The following SLCO5A1 variants were observed in gnomAD, a reference collection of about 807,000 sequenced individuals.
SLCO5A1 encodes organic anion transporter polypeptide-related protein 4.
SLCO5A1 carries 39 observed loss-of-function variants against 65.1 expected under a neutral mutation model. The observed-to-expected ratio is 0.60, with a 90% confidence interval of 0.46 to 0.78. The LOEUF is 0.78. Among genes scored for constraint, SLCO5A1 ranks in the 30% least tolerant of loss-of-function variants. SLCO5A1 has a pLI of 0.00. For missense variants in SLCO5A1, 1,029 were observed against 1,069.4 expected (o/e 0.96, Z 0.53); for synonymous variants, 438 against 415.7 (o/e 1.05, Z -0.65).
chr8:69,825,417 T>C (rs1434574973), intron 2 of SLCO5A1, among the ~76,000 whole-genome samples: 5 of 152,172 alleles, frequency 3.3e-5, no homozygotes, highest in East Asian at 3.9e-4. Context: ...AGCTGATAAG[T>C]AACTTCAGCA....
At position 69,790,010 on chromosome 8, in the gene SLCO5A1, T is replaced by C. The variant is rs553658867; in HGVS notation, c.908-28135A>G. On this transcript the variant is annotated intron_variant, in intron 2 of 9. Transcript: ENST00000260126. ...GAGTTTGAGACCAGCCTGGCCAATA[T>C]GGTGAAACTCTGTCTCTACTAAAAA... Among the ~76,000 whole-genome samples the C allele has an allele frequency of 5.3e-5, 8 of 152,048 alleles. 1 individual carries two copies. The South Asian group carries it at 1.5e-3, about 28-fold the overall frequency.
At chr8:69,820,641 G>T (rs971561801) in intron 2 of SLCO5A1, among the ~76,000 whole-genome samples, 7 of 151,556 alleles carry the variant, frequency 4.6e-5, no homozygotes, top group African/African-American at 1.7e-4. Context: ...AGACCAGCCT[G>T]GGCAACATAA....
Position 69,828,007 on chromosome 8 carries a change from G to A in SLCO5A1, c.907+3760C>T, listed in dbSNP as rs532502222. Among the ~76,000 whole-genome samples, 4 of 152,300 alleles carry A rather than the reference G, an allele frequency of 2.6e-5. No homozygotes were observed. The East Asian group carries it at 7.7e-4, about 29-fold the overall frequency. On this transcript the variant is annotated intron_variant, in intron 2 of 9. Coordinates refer to ENST00000260126, the MANE Select transcript of SLCO5A1 (RefSeq NM_030958.3). ...GCCAAAGAGCCATGCACTGTAGAAG[G>A]AAGCTCGAGGGCCCTGGGGTCAGAA...
intron 2 of SLCO5A1, among the ~76,000 whole-genome samples, chr8:69,791,166 G>A (rs1341021475): frequency 6.6e-6 from 1 of 152,170 alleles, no homozygotes; most frequent in Non-Finnish European, 1.5e-5. Flanking sequence ...GCAGCCTAAA[G>A]GTCCTCTGAT....
intron 5 of SLCO5A1, among the ~76,000 whole-genome samples, chr8:69,715,285 C>A (rs1457368419): frequency 6.6e-6 from 1 of 152,154 alleles, no homozygotes; most frequent in Admixed American, 6.5e-5. Flanking sequence ...AATAAGAGCA[C>A]CTTATTAACT....
chr8:69,785,110 G>GAGAA (rs1249057219), intron 2 of SLCO5A1, among the ~76,000 whole-genome samples: 2 of 151,802 alleles, frequency 1.3e-5, no homozygotes, highest in Non-Finnish European at 2.9e-5. Flanking sequence ...GAGAGAGAGA[G>GAGAA]AGAAAGAAAG....
chr8:69,818,769 T>C (rs150658937), intron 2 of SLCO5A1, among the ~76,000 whole-genome samples: 105 of 152,268 alleles, frequency 6.9e-4, no homozygotes, highest in Non-Finnish European at 1.3e-3. Context: ...AATTCAATCA[T>C]TACTGTTGTA....
At chr8:69,780,465 T>C (rs1818745724) in intron 2 of SLCO5A1, among the ~76,000 whole-genome samples, 1 of 152,182 alleles carries the variant, frequency 6.6e-6, no homozygotes, top group African/African-American at 2.4e-5. Context: ...TGGAAAACTA[T>C]TCAGCCATAA....
At chr8:69,757,652 T>A (rs7828808) in intron 3 of SLCO5A1, among the ~76,000 whole-genome samples, 1 of 152,214 alleles carries the variant, frequency 6.6e-6, no homozygotes, top group African/African-American at 2.4e-5. Context: ...GCACTCTAGC[T>A]TGGGCAACAA....
chr8:69,721,001 T>C lies in SLCO5A1; in HGVS notation c.1424-15772A>G, dbSNP rs531503666. Reference sequence around the variant, plus strand: ...GCTAACTTTGGCCCAAGATCCCTATTCTAGAGTAACAGCTTGACTTATGGC... The same window carrying C: ...GCTAACTTTGGCCCAAGATCCCTATCCTAGAGTAACAGCTTGACTTATGGC... On this transcript the variant is annotated intron_variant, in intron 5 of 9. Transcript: ENST00000260126. 1.2e-4 allele frequency among the ~76,000 whole-genome samples: 18 copies of C among 152,322 alleles called. No individual in the cohort carries two copies. The South Asian group carries it at 3.3e-3, about 28-fold the overall frequency.
At chr8:69,727,448 A>T (rs1456901026) in intron 5 of SLCO5A1, among the ~76,000 whole-genome samples, 1 of 152,212 alleles carries the variant, frequency 6.6e-6, no homozygotes, top group Non-Finnish European at 1.5e-5. Flanking sequence ...CATATTATAC[A>T]GTTCAATCTG....
intron 2 of SLCO5A1, among the ~76,000 whole-genome samples, chr8:69,794,894 G>A (rs907666835): frequency 6.6e-6 from 1 of 152,180 alleles, no homozygotes; most frequent in African/African-American, 2.4e-5. Context: ...CAAAGGAGAA[G>A]CTGGTTCTTC....
intron 6 of SLCO5A1, among the ~76,000 whole-genome samples, chr8:69,685,477 A>G (rs775319487): frequency 5.9e-5 from 9 of 152,218 alleles, no homozygotes; most frequent in Non-Finnish European, 1.0e-4. Context: ...CATAAAATGC[A>G]CAAGGGCTTC....
At chr8:69,797,165 T>C (rs1443335928) in intron 2 of SLCO5A1, among the ~76,000 whole-genome samples, 1 of 152,238 alleles carries the variant, frequency 6.6e-6, no homozygotes, top group Non-Finnish European at 1.5e-5. Flanking sequence ...TTAATACTTT[T>C]ATAATTTCTT....
chr8:69,738,182 C>G lies in SLCO5A1; in HGVS notation c.1281G>C (p.Arg427Ser). ...DVRDLPRAAV[R>S]ILSNMTFLFV... ...AAAGGAATGTCATGTTGCTTAAGATCCTGACAGCTGCTCTTGGTAGGTCTA... is the reference window on the plus strand; with the variant it reads ...AAAGGAATGTCATGTTGCTTAAGATGCTGACAGCTGCTCTTGGTAGGTCTA... The change falls in exon 5 of 10, where the codon AGG (arginine) becomes AGC (serine). Residue 427 changes from arginine (R) to serine (S), a missense_variant. Physicochemically the swap from Arg to Ser is moderately radical, Grantham distance 110. Transcript: ENST00000260126. 3 of 1,610,036 alleles carry G rather than the reference C, an allele frequency of 1.9e-6. No homozygotes were observed. Among genetic ancestry groups the G allele is most frequent in the Non-Finnish European group, 2.5e-6 (3 of 1,177,826 alleles).
intron 2 of SLCO5A1, among the ~76,000 whole-genome samples, chr8:69,828,463 G>A (rs564933079): frequency 6.6e-6 from 1 of 151,882 alleles, no homozygotes; most frequent in Non-Finnish European, 1.5e-5. Flanking sequence ...TTAGCTGGGC[G>A]TGGTGGTGGG....
At chr8:69,774,314 C>A (rs140678217) in intron 2 of SLCO5A1, among the ~76,000 whole-genome samples, 33 of 152,286 alleles carry the variant, frequency 2.2e-4, no homozygotes, top group African/African-American at 7.9e-4. Context: ...CCAATAGAGT[C>A]CTTGATTTAC....
chr8:69,695,004 C>T (rs1814437331), intron 6 of SLCO5A1, among the ~76,000 whole-genome samples: 1 of 152,132 alleles, frequency 6.6e-6, no homozygotes, highest in Non-Finnish European at 1.5e-5. Context: ...GAGGTAGGTG[C>T]CAGACATTCA....
At chr8:69,746,142 G>A (rs904160212) in intron 4 of SLCO5A1, among the ~76,000 whole-genome samples, 23 of 152,068 alleles carry the variant, frequency 1.5e-4, no homozygotes, top group African/African-American at 5.6e-4. Context: ...GCCTCCCTTT[G>A]AGGGCAAGGT....
Sources: gnomAD v4.1 joint callset for allele counts (sites outside exome capture counted in the v4.1 genomes callset) on GRCh38, gnomAD v4.1.1 for gene constraint, MANE v1.5 for transcripts, NCBI Gene and HGNC (gene_info 2026-07-23, HGNC 2026-07-21) for gene names.